Variants in SLC71A1 observed in about 807,000 individuals in gnomAD.
SLC71A1 encodes solute carrier family 71 member 1.
chr1:100,043,740 A>G, the SLC71A1 span, among the ~76,000 whole-genome samples: 2 of 152,146 alleles, frequency 1.3e-5, no homozygotes, highest in African/African-American at 2.4e-5. Flanking sequence ...CTCAAAGTCC[A>G]TTCTATTAGT....
chr1:100,064,342 G>C, the SLC71A1 span, among the ~76,000 whole-genome samples: 1 of 152,126 alleles, frequency 6.6e-6, no homozygotes, highest in Admixed American at 6.5e-5. Flanking sequence ...ATATTGGCCA[G>C]TCTTGTCTTG....
the SLC71A1 span, among the ~76,000 whole-genome samples, chr1:100,073,609 C>G: frequency 6.6e-6 from 1 of 152,324 alleles, no homozygotes; most frequent in African/African-American, 2.4e-5. Flanking sequence ...CAGCTACAAC[C>G]TGGAATATCT....
At chr1:100,069,086 G>T in the SLC71A1 span, among the ~76,000 whole-genome samples, 1 of 152,080 alleles carries the variant, frequency 6.6e-6, no homozygotes, top group Non-Finnish European at 1.5e-5. Context: ...TTCTAATGGG[G>T]GTTATTTGGT....
the SLC71A1 span, among the ~76,000 whole-genome samples, chr1:100,062,724 TGAA>T: frequency 6.6e-6 from 1 of 152,202 alleles, no homozygotes; most frequent in Non-Finnish European, 1.5e-5. Flanking sequence ...GACGTTATAG[TGAA>T]GAATCATAAG....
the SLC71A1 span, among the ~76,000 whole-genome samples, chr1:100,059,143 T>TG: frequency 7.4e-6 from 1 of 135,422 alleles, no homozygotes; most frequent in Admixed American, 7.3e-5. Flanking sequence ...TTCTTTTTCG[T>TG]GTTTTTTTTT....
At chr1:100,038,451 C>T in the SLC71A1 span, 1 of 740,090 alleles carries the variant, frequency 1.4e-6, no homozygotes, top group Non-Finnish European at 2.3e-6. Flanking sequence ...GCCGGTGCCT[C>T]GGGGTCGCGG....
At chr1:100,038,808 G>C in the SLC71A1 span, among the ~76,000 whole-genome samples, 3 of 152,348 alleles carry the variant, frequency 2.0e-5, no homozygotes, top group East Asian at 5.8e-4. Context: ...CCCGTAGTAC[G>C]TTCGCTTTCT....
the SLC71A1 span, among the ~76,000 whole-genome samples, chr1:100,071,803 C>T: frequency 1.3e-5 from 2 of 152,084 alleles, no homozygotes; most frequent in African/African-American, 4.8e-5. Context: ...TATTTTTCCT[C>T]TGTTTAGCAG....
the SLC71A1 span, among the ~76,000 whole-genome samples, chr1:100,071,926 G>C: frequency 2.0e-5 from 3 of 152,224 alleles, no homozygotes; most frequent in South Asian, 4.1e-4. Flanking sequence ...GGAAAGATCA[G>C]TGCAGCAGCA....
the SLC71A1 span, among the ~76,000 whole-genome samples, chr1:100,060,272 C>T: frequency 6.6e-6 from 1 of 152,100 alleles, no homozygotes; most frequent in African/African-American, 2.4e-5. Flanking sequence ...AATTTCAAAA[C>T]AATATTTTGG....
At chr1:100,065,574 T>C in the SLC71A1 span, among the ~76,000 whole-genome samples, 1 of 145,356 alleles carries the variant, frequency 6.9e-6, no homozygotes, top group Non-Finnish European at 1.5e-5. Flanking sequence ...TCCTTTTCTC[T>C]TTTCCCTTCC....
At chr1:100,051,040 G>A in the SLC71A1 span, among the ~76,000 whole-genome samples, 6 of 150,302 alleles carry the variant, frequency 4.0e-5, no homozygotes, top group Non-Finnish European at 5.9e-5. Flanking sequence ...ACCCGATATC[G>A]TGCCACCACA....
chr1:100,058,809 A>G, the SLC71A1 span: 14 of 686,348 alleles, frequency 2.0e-5, no homozygotes, highest in Non-Finnish European at 3.5e-5. Flanking sequence ...ATAAATACAT[A>G]TATATAACTA....
chr1:100,040,105 A>C, the SLC71A1 span, among the ~76,000 whole-genome samples: 1 of 152,140 alleles, frequency 6.6e-6, no homozygotes. Context: ...TTATACACTT[A>C]ATATTTCATT....
At chr1:100,059,144 G>GTGTTTTTTTTTTTTTTTTTTTTTTTTTT in the SLC71A1 span, among the ~76,000 whole-genome samples, 1 of 75,416 alleles carries the variant, frequency 1.3e-5, no homozygotes, top group African/African-American at 5.9e-5. Context: ...TCTTTTTCGT[G>GTGTTTTTTTTTTTTTTTTTTTTTTTTTT]TTTTTTTTTT....
the SLC71A1 span, among the ~76,000 whole-genome samples, chr1:100,044,444 T>G: frequency 3.9e-5 from 6 of 151,944 alleles, no homozygotes; most frequent in African/African-American, 1.2e-4. Flanking sequence ...TGGGTACTAG[T>G]CCTTTGTCAG....
chr1:100,070,475 T>C, the SLC71A1 span, among the ~76,000 whole-genome samples: 1 of 152,080 alleles, frequency 6.6e-6, no homozygotes, highest in Non-Finnish European at 1.5e-5. Flanking sequence ...TTGAGTAAGA[T>C]AGGAAGTCAT....
the SLC71A1 span, among the ~76,000 whole-genome samples, chr1:100,055,440 T>C: frequency 6.6e-6 from 1 of 151,958 alleles, no homozygotes; most frequent in South Asian, 2.1e-4. Flanking sequence ...AACTTTTTCC[T>C]AATTATCACT....
the SLC71A1 span, chr1:100,080,387 T>C: frequency 1.1e-5 from 9 of 843,592 alleles, no homozygotes; most frequent in East Asian, 2.2e-4. Flanking sequence ...TGCTAGTGTC[T>C]GATAAGAAGC....
Sources: allele counts gnomAD v4.1 joint callset (sites outside exome capture counted in the v4.1 genomes callset), GRCh38; gene constraint gnomAD v4.1.1; transcripts MANE v1.5; gene names NCBI Gene and HGNC (gene_info 2026-07-23, HGNC 2026-07-21).